STAT3: variants seen among roughly 807,000 people sequenced by gnomAD.
The protein encoded by STAT3 is DNA-binding protein APRF.
A neutral mutation model predicts 114.3 loss-of-function variants in STAT3; 7 were observed. That is an observed-to-expected ratio of 0.06 (90% CI 0.03 to 0.11). The LOEUF is 0.11. STAT3 is among the 10% of genes least tolerant of loss of function. The probability of loss-of-function intolerance (pLI) is 1.00; values close to 1 mark genes in which losing one functional copy is unlikely to be tolerated. For missense variants in STAT3, 364 were observed against 960.9 expected (o/e 0.38, Z 8.21); for synonymous variants, 331 against 354.5 (o/e 0.93, Z 0.74).
rs575996714 is a variant in STAT3, at chr17:42,379,826, C to T, written c.-24+8453G>A. 2.0e-3 allele frequency among the ~76,000 whole-genome samples: 304 copies of T among 152,234 alleles called. 2 individuals carry two copies. The highest frequency in any genetic ancestry group is 6.8e-3 in the African/African-American group (282 of 41,530). ...AACAGGAATTTACAGTTTGCCTTAC[C>T]TATTCCTTTTATATGACAGCCTCAA... On this transcript the variant is annotated intron_variant, in intron 1 of 23. Transcript: ENST00000264657.
At chr17:42,339,249 C>T (rs1362394208) in intron 5 of STAT3, 65 bp downstream of exon 5, 15 of 1,450,586 alleles carry the variant, frequency 1.0e-5, no homozygotes, top group Non-Finnish European at 1.4e-5. Flanking sequence ...GAGCAAGACC[C>T]TGTCTCAAAA....
At chr17:42,369,117 T>TG (rs1485947823) in intron 1 of STAT3, among the ~76,000 whole-genome samples, 3 of 152,108 alleles carry the variant, frequency 2.0e-5, no homozygotes, top group African/African-American at 7.2e-5. Context: ...CCCGGCACTT[T>TG]GGGAGGCCGA....
intron 1 of STAT3, among the ~76,000 whole-genome samples, chr17:42,363,521 G>A (rs2083619790): frequency 6.6e-6 from 1 of 151,984 alleles, no homozygotes; most frequent in African/African-American, 2.4e-5. Context: ...ACAGCTCACT[G>A]CAGCCTCAAC....
In STAT3 at chr17:42,334,040, T is replaced by A; in HGVS notation, c.807A>T (p.Ser269=). Residue 269 remains serine, a synonymous_variant, in exon 9 of 24, where the codon TCA becomes TCT. Coordinates refer to ENST00000264657, the MANE Select transcript of STAT3 (RefSeq NM_139276.3). ...CLDRLENWIT[S]LAESQLQTRQ... is the part of the protein sequence containing the mutation. The stretch of plus-strand genomic sequence containing the variant: ...GGGTCTGAAGTTGAGATTCTGCTAA[T>A]GACGTTATCCTGCCAATAAATTAAG... The A allele has an allele frequency of 6.2e-7, 1 of 1,614,180 alleles. No homozygotes were observed. The highest frequency in any genetic ancestry group is 8.5e-7 in the Non-Finnish European group (1 of 1,180,050).
chr17:42,362,934 C>G (rs896611886), intron 1 of STAT3, among the ~76,000 whole-genome samples: 1 of 152,182 alleles, frequency 6.6e-6, no homozygotes, highest in African/African-American at 2.4e-5. Flanking sequence ...CCTTCTATCA[C>G]CATCACCATG....
Position 42,324,609 on chromosome 17 carries a change from C to A in STAT3, c.1600+102G>T. On this transcript the variant is annotated intron_variant, in intron 17 of 23. Coordinates refer to ENST00000264657, the MANE Select transcript of STAT3 (RefSeq NM_139276.3). This position sits in a 1 kb window ranked among gnomAD's most constrained non-coding sequence, Gnocchi z 4.5. ...CACAGCGCCTTGCTCAGGAAAGAAACATGGCCTAATGCTCAGTAGACATGG... is the reference window on the plus strand; with the variant it reads ...CACAGCGCCTTGCTCAGGAAAGAAAAATGGCCTAATGCTCAGTAGACATGG... 1 of 1,485,336 alleles carries A rather than the reference C, an allele frequency of 6.7e-7. No individual in the cohort carries two copies. The highest frequency in any genetic ancestry group is 9.1e-7 in the Non-Finnish European group (1 of 1,103,364). The allele number at this position is 1,485,336 out of a possible 1,614,324, so 92.0% of individuals were successfully genotyped here.
chr17:42,344,602 C>T (rs2082609287), intron 4 of STAT3, among the ~76,000 whole-genome samples: 1 of 151,524 alleles, frequency 6.6e-6, no homozygotes, highest in Non-Finnish European at 1.5e-5. Context: ...ACCTGTAGTC[C>T]CAGCTAGTCG....
At position 42,313,598 on chromosome 17, in the gene STAT3, T is replaced by A. The variant is rs1053023; in HGVS notation, c.*2147A>T. On this transcript the variant is annotated 3_prime_UTR_variant, in exon 24 of 24. Transcript: ENST00000264657. ...AGGGCCTGAGGACCCTGTTCTTTAATGGGCCACAACAGGGCTCAGCTCCTC... is the reference window on the plus strand; with the variant it reads ...AGGGCCTGAGGACCCTGTTCTTTAAAGGGCCACAACAGGGCTCAGCTCCTC... 10 of 230,122 alleles carry A rather than the reference T, an allele frequency of 4.3e-5. No individual in the cohort carries two copies. Among genetic ancestry groups the A allele is most frequent in the African/African-American group, 2.2e-4 (10 of 44,890 alleles). 14.3% of individuals were successfully genotyped at this position (230,122 alleles called of 1,614,324 possible). A position where few individuals can be genotyped will look rare whatever the true frequency, so the allele number is the denominator to read the frequency against.
chr17:42,372,687 A>C (rs2084219789), intron 1 of STAT3, among the ~76,000 whole-genome samples: 1 of 152,096 alleles, frequency 6.6e-6, no homozygotes, highest in Admixed American at 6.6e-5. Flanking sequence ...TGTAATGTAA[A>C]CTATGGACTT....
chr17:42,388,161 C>G, intron 1 of STAT3, 118 bp downstream of exon 1: 1 of 1,158,172 alleles, frequency 8.6e-7, no homozygotes, highest in Non-Finnish European at 1.1e-6. Flanking sequence ...CTCTTCATCT[C>G]TCCCGGCCCC....
chr17:42,374,954 G>A (rs1363573156), intron 1 of STAT3, among the ~76,000 whole-genome samples: 1 of 152,126 alleles, frequency 6.6e-6, no homozygotes, highest in African/African-American at 2.4e-5. Context: ...TGTAATAACT[G>A]GAAGTTAACT....
rs1467124591 is a variant in STAT3, at chr17:42,315,700, T to C, written c.*45A>G. On this transcript the variant is annotated 3_prime_UTR_variant, in exon 24 of 24. Transcript: ENST00000264657. ...TGTGTGAGGGGTGGCAGAATGCAGGTAGGCGCCTCAGTCGTATCTTTCTGC... is the reference window on the plus strand; with the variant it reads ...TGTGTGAGGGGTGGCAGAATGCAGGCAGGCGCCTCAGTCGTATCTTTCTGC... The C allele has an allele frequency of 1.6e-5, 26 of 1,587,564 alleles. No homozygotes were observed. The highest frequency in any genetic ancestry group is 2.1e-5 in the Non-Finnish European group (24 of 1,155,950).
chr17:42,367,555 C>T (rs1297801292), intron 1 of STAT3, among the ~76,000 whole-genome samples: 1 of 152,060 alleles, frequency 6.6e-6, no homozygotes, highest in Non-Finnish European at 1.5e-5. Flanking sequence ...CTCTTCTCTC[C>T]ACCTGATAGG....
chr17:42,343,770 T>G (rs925193088), intron 4 of STAT3, among the ~76,000 whole-genome samples: 4 of 152,078 alleles, frequency 2.6e-5, no homozygotes, highest in Non-Finnish European at 1.5e-5. Context: ...TTACTTTCAT[T>G]ACATCTTCTA....
intron 1 of STAT3, among the ~76,000 whole-genome samples, chr17:42,360,372 C>T (rs1330039928): frequency 6.6e-6 from 1 of 151,562 alleles, no homozygotes; most frequent in Non-Finnish European, 1.5e-5. Context: ...TGGCCAGGCT[C>T]AGTGGCTCAC....
chr17:42,370,864 C>T (rs1026224190), intron 1 of STAT3, among the ~76,000 whole-genome samples: 2 of 151,974 alleles, frequency 1.3e-5, no homozygotes, highest in Admixed American at 6.6e-5. Context: ...CCACCTTGGC[C>T]TCCCAAAGTT....
intron 1 of STAT3, among the ~76,000 whole-genome samples, chr17:42,352,723 G>C (rs2083031042): frequency 6.6e-6 from 1 of 151,602 alleles, no homozygotes; most frequent in Admixed American, 6.6e-5. Flanking sequence ...TGCAAGAACT[G>C]ATGTGCATAC....
chr17:42,351,142 A>G (rs2082933205), intron 1 of STAT3, among the ~76,000 whole-genome samples: 1 of 151,798 alleles, frequency 6.6e-6, no homozygotes, highest in African/African-American at 2.4e-5. Flanking sequence ...AAAAAAAAAA[A>G]AAAAAGAAAA....
chr17:42,359,852 A>G (rs1313192208), intron 1 of STAT3, among the ~76,000 whole-genome samples: 4 of 151,816 alleles, frequency 2.6e-5, no homozygotes, highest in Non-Finnish European at 4.4e-5. Flanking sequence ...CGAGGACAGG[A>G]GATCGAGACC....
Sources: allele counts gnomAD v4.1 joint callset (sites outside exome capture counted in the v4.1 genomes callset), GRCh38; gene constraint gnomAD v4.1.1; non-coding constraint Gnocchi (gnomAD v3.1); transcripts MANE v1.5; gene names NCBI Gene and HGNC (gene_info 2026-07-23, HGNC 2026-07-21).